The following DAB1 variants were observed in gnomAD, a reference collection of about 807,000 sequenced individuals.
DAB1 encodes the protein DAB adaptor protein 1.
DAB1 carries 15 observed loss-of-function variants against 64.6 expected under a neutral mutation model. That is an observed-to-expected ratio of 0.23 (90% CI 0.16 to 0.36). DAB1 has a LOEUF of 0.36. Ranked by LOEUF, DAB1 falls within the 10% of genes least tolerant of loss-of-function variation. The probability of loss-of-function intolerance (pLI) is 1.00; values close to 1 mark genes in which losing one functional copy is unlikely to be tolerated. For synonymous variants in DAB1, 235 were observed against 251.9 expected (o/e 0.93, Z 0.64); for missense variants, 596 against 706.7 (o/e 0.84, Z 1.78).
At chr1:58,296,219 AAG>A (rs1445346804) in intron 4 of DAB1, among the ~76,000 whole-genome samples, 2 of 150,018 alleles carry the variant, frequency 1.3e-5, no homozygotes, top group Non-Finnish European at 3.0e-5. Context: ...GAAAGAAAGA[AAG>A]AAAGAAAGAA....
intron 4 of DAB1, among the ~76,000 whole-genome samples, chr1:58,307,056 C>G (rs1192616659): frequency 6.6e-6 from 1 of 152,192 alleles, no homozygotes; most frequent in Non-Finnish European, 1.5e-5. Flanking sequence ...GAACCAAAAG[C>G]TGACTCTTCA....
chr1:58,243,505 G>C (rs560488177), intron 4 of DAB1, among the ~76,000 whole-genome samples: 2 of 152,146 alleles, frequency 1.3e-5, no homozygotes, highest in East Asian at 3.9e-4. Context: ...CTGCAATATG[G>C]CTGGGGTTTT....
At chr1:57,878,933 T>C (rs746526343) in intron 1 of DAB1, among the ~76,000 whole-genome samples, 32 of 152,184 alleles carry the variant, frequency 2.1e-4, no homozygotes, top group Non-Finnish European at 4.1e-4. Flanking sequence ...ATGTTTGTCT[T>C]CCTGGGCCTG....
At chr1:57,116,512 C>CCAG in intron 4 of DAB1, among the ~76,000 whole-genome samples, 1 of 149,780 alleles carries the variant, frequency 6.7e-6, no homozygotes, top group Admixed American at 6.7e-5. Flanking sequence ...AGAAGCTATC[C>CCAG]CAGTGTTTTC....
intron 1 of DAB1, among the ~76,000 whole-genome samples, chr1:57,417,049 T>G (rs1312838075): frequency 6.6e-6 from 1 of 152,146 alleles, no homozygotes; most frequent in African/African-American, 2.4e-5. Context: ...TGGAATTGTT[T>G]AGGTTTGTTC....
intron 4 of DAB1, among the ~76,000 whole-genome samples, chr1:57,092,046 A>G (rs1244106122): frequency 6.6e-6 from 1 of 152,230 alleles, no homozygotes; most frequent in African/African-American, 2.4e-5. Flanking sequence ...GATTAGATGC[A>G]GAAAAGGACC....
chr1:57,518,105 G>C (rs1261275795), intron 7 of DAB1, among the ~76,000 whole-genome samples: 1 of 152,136 alleles, frequency 6.6e-6, no homozygotes, highest in Non-Finnish European at 1.5e-5. Context: ...AACAGAACTA[G>C]ATTGCTTTCT....
intron 1 of DAB1, among the ~76,000 whole-genome samples, chr1:57,393,314 G>GT (rs1420638269): frequency 1.3e-5 from 2 of 152,246 alleles, no homozygotes; most frequent in South Asian, 2.1e-4. Flanking sequence ...ATAATTTTTG[G>GT]TTTTTTCACT....
intron 1 of DAB1, among the ~76,000 whole-genome samples, chr1:57,347,858 A>G (rs948543936): frequency 6.6e-6 from 1 of 152,148 alleles, no homozygotes; most frequent in Non-Finnish European, 1.5e-5. Context: ...GAGCAAGTGC[A>G]CAGTAGGCAA....
At chr1:58,368,339 G>C (rs1644234524) in intron 3 of DAB1, among the ~76,000 whole-genome samples, 1 of 152,146 alleles carries the variant, frequency 6.6e-6, no homozygotes, top group Admixed American at 6.5e-5. Flanking sequence ...CCAGCCTGAG[G>C]AAAGCGTGGT....
intron 3 of DAB1, among the ~76,000 whole-genome samples, chr1:58,440,198 T>C (rs576709141): frequency 6.6e-6 from 1 of 152,362 alleles, no homozygotes; most frequent in African/African-American, 2.4e-5. Context: ...CAGACTTTCA[T>C]GCCGGGCTTC....
chr1:57,843,064 C>A (rs1653124834), intron 1 of DAB1, among the ~76,000 whole-genome samples: 1 of 152,280 alleles, frequency 6.6e-6, no homozygotes, highest in East Asian at 1.9e-4. Context: ...GAGTATCATA[C>A]CACATATCAC....
chr1:58,473,950 ACTT>A (rs1214421342), intron 3 of DAB1: 18 of 1,269,692 alleles, frequency 1.4e-5, no homozygotes, highest in Non-Finnish European at 1.9e-5. Context: ...TGTTCAATAA[ACTT>A]CTCTTCCCGG....
Position 57,029,110 on chromosome 1 carries a change from C to T in DAB1, c.724-3067G>A, listed in dbSNP as rs1035281266. Among the ~76,000 whole-genome samples, 4 of 152,174 alleles carry T rather than the reference C, an allele frequency of 2.6e-5. 1 individual carries two copies. Among genetic ancestry groups the T allele is most frequent in the Admixed American group, 6.5e-5 (1 of 15,270 alleles). On this transcript the variant is annotated intron_variant, in intron 9 of 14. Transcript: ENST00000371236. ...AAAAAGTGGTTTTGTGGGCTGGGCCCAGGGTTCCTGTGCTGTATACAGTCT... is the reference window on the plus strand; with the variant it reads ...AAAAAGTGGTTTTGTGGGCTGGGCCTAGGGTTCCTGTGCTGTATACAGTCT...
chr1:57,074,557 A>G (rs1380562607), intron 4 of DAB1, among the ~76,000 whole-genome samples: 1 of 152,182 alleles, frequency 6.6e-6, no homozygotes, highest in African/African-American at 2.4e-5. Context: ...CAATCTTTCC[A>G]GGCATTTGAC....
At chr1:58,312,287 T>G (rs1662447554) in intron 4 of DAB1, among the ~76,000 whole-genome samples, 1 of 152,218 alleles carries the variant, frequency 6.6e-6, no homozygotes, top group Non-Finnish European at 1.5e-5. Flanking sequence ...AATGCAGTTT[T>G]TCTTCATACA....
chr1:57,845,664 A>G (rs1272162674), intron 1 of DAB1, among the ~76,000 whole-genome samples: 1 of 152,186 alleles, frequency 6.6e-6, no homozygotes, highest in Non-Finnish European at 1.5e-5. Context: ...AGACCCTGCC[A>G]CAGTGTCCCA....
chr1:58,437,461 A>G (rs544491719), intron 3 of DAB1, among the ~76,000 whole-genome samples: 1 of 152,206 alleles, frequency 6.6e-6, no homozygotes, highest in South Asian at 2.1e-4. Flanking sequence ...CACTTTCAAC[A>G]TGCCATCTCT....
intron 4 of DAB1, 91 bp from the exon 5 acceptor site, chr1:57,072,505 C>T (rs530501574): frequency 6.9e-7 from 1 of 1,448,366 alleles, no homozygotes; most frequent in African/African-American, 1.4e-5. Flanking sequence ...TACGTGTGAA[C>T]AGGCCCGAAG....
Sources: gnomAD v4.1 joint callset for allele counts (sites outside exome capture counted in the v4.1 genomes callset) on GRCh38, gnomAD v4.1.1 for gene constraint, MANE v1.5 for transcripts, NCBI Gene and HGNC (gene_info 2026-07-23, HGNC 2026-07-21) for gene names.